The following EPN1 variants were observed in gnomAD, a reference collection of about 807,000 sequenced individuals.
The protein encoded by EPN1 is epsin-1.
In EPN1, 25 loss-of-function variants were observed where a neutral mutation model predicts 56.9. That is an observed-to-expected ratio of 0.44 (90% CI 0.32 to 0.61). The LOEUF is 0.61. Among genes scored for constraint, EPN1 ranks in the 20% least tolerant of loss-of-function variants. The pLI is 0.05. For missense variants in EPN1, 785 were observed against 823.7 expected (o/e 0.95, Z 0.58); for synonymous variants, 411 against 361.8 (o/e 1.14, Z -1.54).
Position 55,678,515 on chromosome 19 carries a change from TTC to T in EPN1, c.-101-11_-101-10del. Reference sequence around the variant, plus strand: ...CCCATTTGTGTTTCCAGAGGTCCTCTTCCCCTCGCAGATGCGGTGACCTGCCA... The same window carrying T: ...CCCATTTGTGTTTCCAGAGGTCCTCTCCCTCGCAGATGCGGTGACCTGCCA... On this transcript the variant is annotated splice_polypyrimidine_tract_variant and intron_variant, in intron 1 of 10. Transcript: ENST00000270460. The T allele has an allele frequency of 1.3e-6, 2 of 1,535,810 alleles. No homozygotes were observed. The highest frequency in any genetic ancestry group is 1.7e-6 in the Non-Finnish European group (2 of 1,143,812).
rs771516776 is a variant in EPN1 at position 55,677,756 on chromosome 19, C to T, written c.-101-771C>T. 1.8e-5 allele frequency: 27 copies of T among 1,522,414 alleles called. No individual in the cohort carries two copies. The South Asian group carries it at 3.4e-4, about 19-fold the overall frequency. 94.3% of individuals were successfully genotyped at this position (1,522,414 alleles called of 1,614,324 possible). On this transcript the variant is annotated intron_variant, in intron 1 of 10. Coordinates refer to ENST00000270460, the MANE Select transcript of EPN1 (RefSeq NM_001130072.2). ...CTGGGTTGGTTCCCTGCTCCTGCCT[C>T]TGTCTTTAATCCCTTCATCAGCCTT...
Position 55,677,626 on chromosome 19 carries a change from G to A in EPN1, c.-101-901G>A, listed in dbSNP as rs1044918979. 1.7e-5 allele frequency: 26 copies of A among 1,551,510 alleles called. No homozygotes were observed. Among genetic ancestry groups the A allele is most frequent in the Admixed American group, 3.9e-5 (2 of 50,978 alleles). ...GAGCGAGCACCTGGCACACAGCAGGGACCCAGGCAGTGGGGCTGTTAGGTT... is the reference window on the plus strand; with the variant it reads ...GAGCGAGCACCTGGCACACAGCAGGAACCCAGGCAGTGGGGCTGTTAGGTT... On this transcript the variant is annotated intron_variant, in intron 1 of 10. Coordinates refer to ENST00000270460, the MANE Select transcript of EPN1 (RefSeq NM_001130072.2).
rs1986755627 is a variant in EPN1 at position 55,694,135 on chromosome 19, C to T, written c.1265-591C>T. ...TTGGGAGGCTGAGGCAGGAGAATCGCTTGAACCCAGGAGGTGGAGGTTGCA... is the reference window on the plus strand; with the variant it reads ...TTGGGAGGCTGAGGCAGGAGAATCGTTTGAACCCAGGAGGTGGAGGTTGCA... On this transcript the variant is annotated intron_variant, in intron 9 of 10. Transcript: ENST00000270460. The surrounding 1 kb of genome is among the most constrained non-coding windows in gnomAD (Gnocchi z 4.2). 1 of 149,114 alleles carries T rather than the reference C, an allele frequency of 6.7e-6. No individual in the cohort carries two copies. Among genetic ancestry groups the T allele is most frequent in the African/African-American group, 2.5e-5 (1 of 40,486 alleles). 9.2% of individuals were successfully genotyped at this position (149,114 alleles called of 1,614,324 possible).
rs1225615885 is a variant in EPN1 at position 55,685,610 on chromosome 19, T to C, written c.443T>C (p.Leu148Pro). 6.2e-7 allele frequency: 1 copy of C among 1,603,308 alleles called. No individual in the cohort carries two copies. ...CTGCGGGAAGAGCGGGCGCACGCGCTCAAGACCAAGGAAAAGCTGGCACAG... is the reference window on the plus strand; with the variant it reads ...CTGCGGGAAGAGCGGGCGCACGCGCCCAAGACCAAGGAAAAGCTGGCACAG... ...DRLREERAHA[L>P]KTKEKLAQTA... is the part of the protein sequence containing the mutation. The change falls in exon 3 of 11, where the codon CTC becomes CCC. Residue 148 changes from leucine to proline, a missense_variant. Physicochemically the swap from Leu to Pro is moderately conservative, Grantham distance 98 (BLOSUM62 -3). Coordinates refer to ENST00000270460, the MANE Select transcript of EPN1 (RefSeq NM_001130072.2).
Position 55,704,561 on chromosome 19 carries a change from AT to A in EPN1, c.*9207del, listed in dbSNP as rs1987302497. 1 of 152,102 alleles carries A rather than the reference AT, an allele frequency of 6.6e-6. No homozygotes were observed. Among genetic ancestry groups the A allele is most frequent in the Non-Finnish European group, 1.5e-5 (1 of 68,030 alleles). 9.4% of individuals were successfully genotyped at this position (152,102 alleles called of 1,614,324 possible). On this transcript the variant is annotated 3_prime_UTR_variant, in exon 11 of 11. Transcript: ENST00000270460. ...GGTTTCCAGAACTGTGAGAAAATCC[AT>A]TGACGTTCTATAGCGCTCCCAGCTG...
Position 55,692,781 on chromosome 19 carries a change from AC to A in EPN1, c.1164del (p.Asn389MetfsTer53). On this transcript the variant is annotated frameshift_variant, in exon 8 of 11. Coordinates refer to ENST00000270460, the MANE Select transcript of EPN1 (RefSeq NM_001130072.2). LOFTEE classifies it high-confidence loss of function. Reference protein sequence around the residue: ...PWGGSPAKPSTNGTTAAGGFD... With the variant: ...PWGGSPAKPSXNGTTAAGGFD... ...GGGAGGGTCACCTGCCAAGCCCAGC[AC>A]CAATGGCACAACAGGTACTGGAATG... 1 of 1,596,784 alleles carries A rather than the reference AC, an allele frequency of 6.3e-7. No homozygotes were observed. Among genetic ancestry groups the A allele is most frequent in the Non-Finnish European group, 8.5e-7 (1 of 1,171,474 alleles).
At position 55,689,221 on chromosome 19, in the gene EPN1, C is replaced by CT. The variant is rs1296453072; in HGVS notation, c.604-75dup. ...CCCCCAGCCCTCTCTTTCTTCGGCT[C>CT]TATCTGACCCTGGCTCTGCCTCTGA... On this transcript the variant is annotated intron_variant, in intron 4 of 10. Coordinates refer to ENST00000270460, the MANE Select transcript of EPN1 (RefSeq NM_001130072.2). This position sits in a 1 kb window ranked among gnomAD's most constrained non-coding sequence, Gnocchi z 5.7. The CT allele has an allele frequency of 3.2e-6, 4 of 1,238,652 alleles. No homozygotes were observed. In the East Asian group the frequency reaches 7.6e-5, roughly 24 times the overall value. 76.7% of individuals were successfully genotyped at this position (1,238,652 alleles called of 1,614,324 possible).
rs890925059 is a variant in EPN1 at position 55,699,516 on chromosome 19, T to G, written c.*4160T>G. On this transcript the variant is annotated 3_prime_UTR_variant, in exon 11 of 11. Transcript: ENST00000270460. ...ACATCACAGGTGCCCCTGGAGTTTC[T>G]CAAACTGCAGCCCAAGGATTGGCTG... is the stretch of plus-strand genomic sequence containing the variant. 6.6e-6 allele frequency: 1 copy of G among 152,216 alleles called. No individual in the cohort carries two copies. The highest frequency in any genetic ancestry group is 1.9e-4 in the East Asian group (1 of 5,198). 9.4% of individuals were successfully genotyped at this position (152,216 alleles called of 1,614,324 possible). A position where few individuals can be genotyped will look rare whatever the true frequency, so the allele number is the denominator to read the frequency against.
intron 6 of EPN1, among the ~76,000 whole-genome samples, chr19:55,690,357 G>T (rs969132316): frequency 1.4e-4 from 22 of 152,252 alleles, no homozygotes; most frequent in Non-Finnish European, 1.5e-5. Context: ...CACACCCAGG[G>T]CCTGTTGGTG....
Position 55,702,922 on chromosome 19 carries a change from G to A in EPN1, c.*7566G>A, listed in dbSNP as rs1398100222. 1 of 151,868 alleles carries A rather than the reference G, an allele frequency of 6.6e-6. No individual in the cohort carries two copies. Among genetic ancestry groups the A allele is most frequent in the African/African-American group, 2.4e-5 (1 of 41,318 alleles). The allele number at this position is 151,868 out of a possible 1,614,324, so 9.4% of individuals were successfully genotyped here. ...CCATTCTCCTGCCTCAGCCTCCCGA[G>A]TAGCTGGGACTACAGGCGCCCACCA... is the stretch of plus-strand genomic sequence containing the variant. On this transcript the variant is annotated 3_prime_UTR_variant, in exon 11 of 11. Transcript: ENST00000270460.
chr19:55,709,048 GGA>G lies in EPN1; in HGVS notation c.*13693_*13694del. 1 of 1,555,014 alleles carries G rather than the reference GGA, an allele frequency of 6.4e-7. No homozygotes were observed. Among genetic ancestry groups the G allele is most frequent in the South Asian group, 1.2e-5 (1 of 80,070 alleles). On this transcript the variant is annotated 3_prime_UTR_variant, in exon 11 of 11. Coordinates refer to ENST00000270460, the MANE Select transcript of EPN1 (RefSeq NM_001130072.2). ...ATCAAAGCCAGATTTGTGCAGCCTG[GGA>G]AAATAGAAATAAAGTTTTTTTTTTT...
chr19:55,684,740 C>T (rs1236554500), intron 2 of EPN1, among the ~76,000 whole-genome samples: 2 of 152,238 alleles, frequency 1.3e-5, no homozygotes, highest in Non-Finnish European at 2.9e-5. Flanking sequence ...CAAACTAGTA[C>T]TAAGACCCCC....
chr19:55,689,888 G>T lies in EPN1; in HGVS notation c.700G>T (p.Asp234Tyr). Residue 234 changes from aspartate (D) to tyrosine (Y), a missense_variant, in exon 6 of 11, where the codon GAT becomes TAT. This residue lies in a region of EPN1 where 650 missense variants were observed against 605.0 expected (regional missense o/e 1.07). Transcript: ENST00000270460. The surrounding 1 kb of genome is among the most constrained non-coding windows in gnomAD (Gnocchi z 5.7). ...HDKEERIRRG[D>Y]DLRLQMAIEE... is the part of the protein sequence containing the mutation. Reference sequence around the variant, plus strand: ...ACAGGAGGAGCGGATCCGTCGCGGGGATGACCTGCGGCTGCAGATGGCAAT... The same window carrying T: ...ACAGGAGGAGCGGATCCGTCGCGGGTATGACCTGCGGCTGCAGATGGCAAT... 1 of 1,605,878 alleles carries T rather than the reference G, an allele frequency of 6.2e-7. No individual in the cohort carries two copies. Among genetic ancestry groups the T allele is most frequent in the Non-Finnish European group, 8.5e-7 (1 of 1,176,606 alleles).
At chr19:55,678,494 T>C (rs776270294) in intron 1 of EPN1, 33 bp from the exon 2 acceptor site, 14 of 1,518,438 alleles carry the variant, frequency 9.2e-6, no homozygotes, top group African/African-American at 5.5e-5. Flanking sequence ...CCATGTCCCA[T>C]TTGTGTTTCC....
intron 2 of EPN1, among the ~76,000 whole-genome samples, chr19:55,684,800 T>G (rs1230520319): frequency 1.3e-5 from 2 of 152,152 alleles, no homozygotes; most frequent in South Asian, 4.1e-4. Context: ...TACTTTAGAT[T>G]TTAGTTGTAA....
intron 2 of EPN1, among the ~76,000 whole-genome samples, chr19:55,682,938 G>A (rs942704706): frequency 6.6e-6 from 1 of 151,788 alleles, no homozygotes; most frequent in African/African-American, 2.4e-5. Context: ...TGTATTTTTA[G>A]TAGAGATGGG....
chr19:55,678,258 C>T lies in EPN1; in HGVS notation c.-101-269C>T, dbSNP rs143050384. 1.4e-4 allele frequency among the ~76,000 whole-genome samples: 21 copies of T among 152,316 alleles called. 1 individual carries two copies. The highest frequency in any genetic ancestry group is 4.6e-4 in the African/African-American group (19 of 41,578). Reference sequence around the variant, plus strand: ...AAGCTGAGGTGCAAAAGATCCAGCCCGCCCAGGGTGGCCTTGCCAGGAAGT... The same window carrying T: ...AAGCTGAGGTGCAAAAGATCCAGCCTGCCCAGGGTGGCCTTGCCAGGAAGT... On this transcript the variant is annotated intron_variant, in intron 1 of 10. Transcript: ENST00000270460.
rs901224880 is a variant in EPN1 at position 55,704,838 on chromosome 19, A to G, written c.*9482A>G. 4 of 152,316 alleles carry G rather than the reference A, an allele frequency of 2.6e-5. No individual in the cohort carries two copies. The highest frequency in any genetic ancestry group is 9.7e-5 in the African/African-American group (4 of 41,438). 9.4% of individuals were successfully genotyped at this position (152,316 alleles called of 1,614,324 possible). A position where few individuals can be genotyped will look rare whatever the true frequency, so the allele number is the denominator to read the frequency against. ...GTAATACAGACAACAGAGACAGGAG[A>G]TGGCCTGGCCCCACTTCATTTCTGT... On this transcript the variant is annotated 3_prime_UTR_variant, in exon 11 of 11. Transcript: ENST00000270460.
At chr19:55,676,680 G>C (rs1332387638) in intron 1 of EPN1, 1 of 155,778 alleles carries the variant, frequency 6.4e-6, no homozygotes, top group Non-Finnish European at 1.4e-5. Context: ...TGCGCTGCAG[G>C]TAGCTGATGT....
Sources: allele counts gnomAD v4.1 joint callset (sites outside exome capture counted in the v4.1 genomes callset), GRCh38; gene constraint gnomAD v4.1.1; regional missense constraint gnomAD v4.1.1; non-coding constraint Gnocchi (gnomAD v3.1); transcripts MANE v1.5; gene names NCBI Gene and HGNC (gene_info 2026-07-23, HGNC 2026-07-21).